SS18L1: variants seen among roughly 807,000 people sequenced by gnomAD.
SS18L1 encodes calcium-responsive transactivator.
SS18L1 carries 32 observed loss-of-function variants against 70.3 expected under a neutral mutation model. The ratio of observed to expected loss-of-function variants is 0.46; its 90% confidence interval spans 0.34 to 0.61. The LOEUF (loss-of-function observed/expected upper bound fraction) is 0.61, where lower values mean the gene tolerates loss of function less well. Among genes scored for constraint, SS18L1 ranks in the 20% least tolerant of loss-of-function variants. SS18L1 has a pLI of 0.01. For synonymous variants in SS18L1, 237 were observed against 229.7 expected (o/e 1.03, Z -0.29); for missense variants, 430 against 542.1 (o/e 0.79, Z 2.05).
intron 7 of SS18L1, among the ~76,000 whole-genome samples, chr20:62,165,089 C>T (rs768606623): frequency 1.2e-4 from 18 of 152,174 alleles, no homozygotes; most frequent in South Asian, 2.1e-4. Context: ...GTTGGACACC[C>T]CTGCCTGCGT....
At chr20:62,166,959 G>A (rs915724774) in intron 8 of SS18L1, among the ~76,000 whole-genome samples, 63 of 151,020 alleles carry the variant, frequency 4.2e-4, no homozygotes, top group African/African-American at 1.5e-3. Context: ...AAAAGAAATG[G>A]CCAGGCATGG....
chr20:62,155,407 T>C lies in SS18L1; in HGVS notation c.70-3265T>C, dbSNP rs73309143. Among the ~76,000 whole-genome samples, 486 of 152,320 alleles carry C rather than the reference T, an allele frequency of 3.2e-3. 4 individuals are homozygous for C. Among genetic ancestry groups the C allele is most frequent in the African/African-American group, 0.011 (460 of 41,564 alleles). On this transcript the variant is annotated intron_variant, in intron 1 of 10. Transcript: ENST00000331758. ...CAGCCTGGGTGACAGAGCGAGACCC[T>C]GTCTCAGAAGAAAAGCAAATAGAAA...
chr20:62,162,603 C>A, intron 4 of SS18L1, 149 bp from the exon 5 acceptor site: 1 of 811,970 alleles, frequency 1.2e-6, no homozygotes, highest in Non-Finnish European at 1.9e-6. Flanking sequence ...TGCTCCCGGC[C>A]ACTTATTTAT....
At chr20:62,157,179 T>G (rs1428961220) in intron 1 of SS18L1, among the ~76,000 whole-genome samples, 1 of 152,198 alleles carries the variant, frequency 6.6e-6, no homozygotes. Flanking sequence ...GTCTGCAGGA[T>G]GCCGCCTGGC....
intron 8 of SS18L1, among the ~76,000 whole-genome samples, chr20:62,169,842 G>T (rs2057498861): frequency 9.3e-6 from 1 of 107,656 alleles, no homozygotes; most frequent in Non-Finnish European, 1.8e-5. Context: ...CTTTATGGCT[G>T]TCCACACCGT....
chr20:62,152,544 C>T (rs1244847416), intron 1 of SS18L1, among the ~76,000 whole-genome samples: 1 of 152,232 alleles, frequency 6.6e-6, no homozygotes, highest in Non-Finnish European at 1.5e-5. Context: ...AACTGTATCT[C>T]ACGTTGCAGA....
At chr20:62,160,046 A>C in intron 3 of SS18L1, 85 bp downstream of exon 3, 1 of 1,366,100 alleles carries the variant, frequency 7.3e-7, no homozygotes, top group African/African-American at 1.5e-5. Context: ...ATGTCATCTC[A>C]GGTAGCAAAG....
chr20:62,177,203 T>G (rs1221541132), intron 10 of SS18L1, among the ~76,000 whole-genome samples: 1 of 151,650 alleles, frequency 6.6e-6, no homozygotes, highest in African/African-American at 2.4e-5. Context: ...CGGGAGCAGA[T>G]AGAGACGGAG....
rs114561330 is a variant in SS18L1, at chr20:62,172,933, C to T, written c.1036+132C>T. The T allele has an allele frequency of 2.0e-3, 2,961 of 1,505,142 alleles. 63 individuals carry two copies. In the African/African-American group the frequency reaches 0.034, roughly 17 times the overall value. 93.2% of individuals were successfully genotyped at this position (1,505,142 alleles called of 1,614,324 possible). ...GCAGGGCTACGGTAAGAGGCGAGCA[C>T]GCTCCTCGGGGCCCCCCAGCGCCCA... On this transcript the variant is annotated intron_variant, in intron 9 of 10. Transcript: ENST00000331758.
intron 6 of SS18L1, among the ~76,000 whole-genome samples, chr20:62,163,918 G>C (rs948684104): frequency 6.6e-6 from 1 of 152,152 alleles, no homozygotes; most frequent in Non-Finnish European, 1.5e-5. Flanking sequence ...TTGGGAGGCC[G>C]AGGTGGGCGG....
At chr20:62,171,062 G>A (rs2057523196) in intron 8 of SS18L1, among the ~76,000 whole-genome samples, 1 of 147,074 alleles carries the variant, frequency 6.8e-6, no homozygotes. Flanking sequence ...CCACCATGCC[G>A]GGCTAAATTT....
At chr20:62,157,506 C>T (rs1438843291) in intron 1 of SS18L1, among the ~76,000 whole-genome samples, 3 of 152,206 alleles carry the variant, frequency 2.0e-5, no homozygotes, top group Non-Finnish European at 4.4e-5. Flanking sequence ...CCGTGCTTGG[C>T]GGAGTGTATG....
At chr20:62,146,711 C>G (rs1198891849) in intron 1 of SS18L1, among the ~76,000 whole-genome samples, 1 of 151,448 alleles carries the variant, frequency 6.6e-6, no homozygotes, top group Non-Finnish European at 1.5e-5. Context: ...CGCCCACGTT[C>G]AAGGTTCAAG....
intron 3 of SS18L1, among the ~76,000 whole-genome samples, chr20:62,160,646 G>C (rs965068389): frequency 2.6e-5 from 4 of 152,232 alleles, no homozygotes; most frequent in African/African-American, 4.8e-5. Context: ...CCTCTGTCCT[G>C]CTGACGGGGT....
At chr20:62,167,624 G>T (rs1216006522) in intron 8 of SS18L1, among the ~76,000 whole-genome samples, 1 of 152,162 alleles carries the variant, frequency 6.6e-6, no homozygotes, top group East Asian at 1.9e-4. Context: ...CTGCAGTGGT[G>T]CCTCCGTAAG....
intron 1 of SS18L1, 107 bp downstream of exon 1, chr20:62,143,996 C>A (rs1366153606): frequency 2.8e-6 from 2 of 707,472 alleles, no homozygotes; most frequent in Non-Finnish European, 3.5e-6. Context: ...AAAGCCGGGG[C>A]GCAGCCGGGC....
At chr20:62,169,170 G>A (rs182139771) in intron 8 of SS18L1, among the ~76,000 whole-genome samples, 4 of 152,372 alleles carry the variant, frequency 2.6e-5, no homozygotes, top group East Asian at 3.8e-4. Context: ...GCATCTGGGC[G>A]CCATTGCTGC....
At chr20:62,176,524 A>G (rs1363952827) in intron 10 of SS18L1, among the ~76,000 whole-genome samples, 1 of 151,924 alleles carries the variant, frequency 6.6e-6, no homozygotes, top group African/African-American at 2.4e-5. Context: ...TAAAAAAAGG[A>G]AAAAGAAAGG....
At chr20:62,151,804 C>T (rs1394132665) in intron 1 of SS18L1, among the ~76,000 whole-genome samples, 4 of 151,330 alleles carry the variant, frequency 2.6e-5, no homozygotes, top group Admixed American at 6.6e-5. Context: ...CAGCAGCCCC[C>T]GTTCCCCTCT....
Sources: allele counts gnomAD v4.1 joint callset (sites outside exome capture counted in the v4.1 genomes callset), GRCh38; gene constraint gnomAD v4.1.1; transcripts MANE v1.5; gene names NCBI Gene and HGNC (gene_info 2026-07-23, HGNC 2026-07-21).